PTPRM: variants seen among roughly 807,000 people sequenced by gnomAD.
PTPRM encodes the protein receptor-type tyrosine-protein phosphatase mu.
A neutral mutation model predicts 186.7 loss-of-function variants in PTPRM; 47 were observed. The observed-to-expected ratio is 0.25, with a 90% CI of 0.20 to 0.32. PTPRM has a LOEUF of 0.32. Ranked by LOEUF, PTPRM falls within the 10% of genes least tolerant of loss-of-function variation. The probability of loss-of-function intolerance (pLI) is 1.00; values close to 1 mark genes in which losing one functional copy is unlikely to be tolerated. For missense variants in PTPRM, 1,494 were observed against 1,865.0 expected, an observed-to-expected ratio of 0.80 and a Z score of 3.66; for synonymous variants, 668 against 674.9, an observed-to-expected ratio of 0.99 and a Z score of 0.16.
rs938763745 is a variant in PTPRM at position 7,733,147 on chromosome 18, C to T, written c.74-41002C>T. ...GGTTTGTTACATAGGTGTACATGCGCCATGGTGGTTTGCTGCACCTATCAA... is the reference window on the plus strand; with the variant it reads ...GGTTTGTTACATAGGTGTACATGCGTCATGGTGGTTTGCTGCACCTATCAA... On this transcript the variant is annotated intron_variant, in intron 1 of 32. Transcript: ENST00000580170. Among the ~76,000 whole-genome samples, 4 of 152,112 alleles carry T rather than the reference C, an allele frequency of 2.6e-5. No homozygotes were observed. The South Asian group carries it at 8.3e-4, about 32-fold the overall frequency.
At chr18:7,984,580 T>TATATATATATATGCCCC (rs1555676787) in intron 7 of PTPRM, among the ~76,000 whole-genome samples, 11 of 107,518 alleles carry the variant, frequency 1.0e-4, no homozygotes, top group Admixed American at 2.0e-4. Context: ...CCCATATATA[T>TATATATATATATGCCCC]ATATATATAT....
chr18:7,983,186 C>T (rs2082650936), intron 7 of PTPRM, among the ~76,000 whole-genome samples: 1 of 152,116 alleles, frequency 6.6e-6, no homozygotes, highest in African/African-American at 2.4e-5. Context: ...CGAGCATCAC[C>T]ACCTGAGTTC....
Position 7,774,233 on chromosome 18 carries a change from C to A in PTPRM, c.158C>A (p.Thr53Asn). 1.2e-6 allele frequency: 2 copies of A among 1,614,054 alleles called. No homozygotes were observed. The highest frequency in any genetic ancestry group is 1.7e-6 in the Non-Finnish European group (2 of 1,179,968). Reference protein sequence around the residue: ...GDDFNWEQVNTLTKPTSDPWM... With the variant: ...GDDFNWEQVNNLTKPTSDPWM... Reference sequence around the variant, plus strand: ...GACTTCAATTGGGAGCAAGTGAACACCTTGACTAAACCGACTTCTGATCCA... The same window carrying A: ...GACTTCAATTGGGAGCAAGTGAACAACTTGACTAAACCGACTTCTGATCCA... The change falls in exon 2 of 33, where the codon ACC (threonine) becomes AAC (asparagine). Residue 53 changes from threonine to asparagine, a missense_variant. By Grantham distance (65) the Thr-to-Asn change is moderately conservative (BLOSUM62 0). This residue lies in a region of PTPRM where 296 missense variants were observed against 345.5 expected (regional missense o/e 0.86). Coordinates refer to ENST00000580170, the MANE Select transcript of PTPRM (RefSeq NM_001105244.2).
intron 5 of PTPRM, among the ~76,000 whole-genome samples, chr18:7,937,699 A>G (rs1350866426): frequency 1.3e-5 from 2 of 152,186 alleles, no homozygotes; most frequent in African/African-American, 4.8e-5. Flanking sequence ...TCATTAATTC[A>G]TTAGGAGTTG....
intron 14 of PTPRM, among the ~76,000 whole-genome samples, chr18:8,210,588 C>CT (rs1352073370): frequency 1.3e-5 from 2 of 152,078 alleles, no homozygotes; most frequent in Non-Finnish European, 2.9e-5. Context: ...ATTTAGGGTA[C>CT]TTTTTACAGC....
intron 1 of PTPRM, among the ~76,000 whole-genome samples, chr18:7,609,984 G>T (rs2037632553): frequency 6.6e-6 from 1 of 152,208 alleles, no homozygotes; most frequent in Non-Finnish European, 1.5e-5. Context: ...TCTGTTAGTA[G>T]TGGGAATTGG....
At chr18:8,260,753 C>T (rs2094621590) in intron 19 of PTPRM, among the ~76,000 whole-genome samples, 1 of 152,204 alleles carries the variant, frequency 6.6e-6, no homozygotes, top group Non-Finnish European at 1.5e-5. Context: ...GACTCCCTCC[C>T]TTCAGATGCC....
chr18:8,334,136 C>T (rs1231617350), intron 22 of PTPRM, among the ~76,000 whole-genome samples: 3 of 152,232 alleles, frequency 2.0e-5, no homozygotes, highest in Non-Finnish European at 1.5e-5. Flanking sequence ...GAGCAGCATC[C>T]AGCACCTGCC....
chr18:8,066,198 TGTAAAAGAATTGTATGAGAATTA>T (rs2089060927), intron 7 of PTPRM, among the ~76,000 whole-genome samples: 1 of 152,272 alleles, frequency 6.6e-6, no homozygotes, highest in South Asian at 2.1e-4. Context: ...GTATGAGAAT[TGTAAAAGAATTGTATGAGAATTA>T]GTAAAAGAAT....
At chr18:8,300,977 A>G (rs1008631098) in intron 20 of PTPRM, among the ~76,000 whole-genome samples, 1 of 152,118 alleles carries the variant, frequency 6.6e-6, no homozygotes, top group Non-Finnish European at 1.5e-5. Context: ...CTGTTTCTTT[A>G]TGGGCATAGT....
At chr18:7,635,962 G>A (rs111403884) in intron 1 of PTPRM, among the ~76,000 whole-genome samples, 2,379 of 152,336 alleles carry the variant, frequency 0.016, 26 homozygotes, top group Non-Finnish European at 0.028. Context: ...GTTTATTTAT[G>A]TTGTAAATGA....
intron 7 of PTPRM, among the ~76,000 whole-genome samples, chr18:7,991,305 C>T (rs1216204220): frequency 6.6e-6 from 1 of 152,044 alleles, no homozygotes; most frequent in African/African-American, 2.4e-5. Context: ...CTTTAACCAC[C>T]TGAGGATTGT....
intron 1 of PTPRM, among the ~76,000 whole-genome samples, chr18:7,599,465 C>T (rs555008830): frequency 6.6e-6 from 1 of 152,246 alleles, no homozygotes; most frequent in South Asian, 2.1e-4. Context: ...ATGGAAATTC[C>T]ACTATCCCAG....
chr18:8,209,149 A>C (rs1241334979), intron 14 of PTPRM, among the ~76,000 whole-genome samples: 31 of 152,164 alleles, frequency 2.0e-4, no homozygotes, highest in Admixed American at 2.0e-3. Context: ...CTACTGTAGA[A>C]CAGAAGAGTT....
chr18:7,972,228 G>T (rs1265134257), intron 7 of PTPRM, among the ~76,000 whole-genome samples: 8 of 133,208 alleles, frequency 6.0e-5, no homozygotes, highest in African/African-American at 2.4e-4. Flanking sequence ...ACCAAACACC[G>T]CATATTCTCA....
chr18:7,567,813 A>C lies in PTPRM; in HGVS notation c.-6A>C. 6.5e-7 allele frequency: 1 copy of C among 1,544,532 alleles called. No homozygotes were observed. The highest frequency in any genetic ancestry group is 8.7e-7 in the Non-Finnish European group (1 of 1,151,020). Reference sequence around the variant, plus strand: ...CCGGGGAGCGGCCCGGCCCGCACTCAGCACCATGAGGGGACTTGGGACTTG... The same window carrying C: ...CCGGGGAGCGGCCCGGCCCGCACTCCGCACCATGAGGGGACTTGGGACTTG... On this transcript the variant is annotated 5_prime_UTR_variant, in exon 1 of 33. Coordinates refer to ENST00000580170, the MANE Select transcript of PTPRM (RefSeq NM_001105244.2). The surrounding 1 kb of genome is among the most constrained non-coding windows in gnomAD (Gnocchi z 4.3).
intron 30 of PTPRM, 69 bp from the exon 31 acceptor site, chr18:8,387,003 G>T: frequency 7.0e-7 from 1 of 1,438,114 alleles, no homozygotes; most frequent in Non-Finnish European, 9.6e-7. Context: ...AGTGGAATCA[G>T]CCCACTGGAA....
Position 7,974,120 on chromosome 18 carries a change from G to T in PTPRM, c.1132+18706G>T, listed in dbSNP as rs542597675. Among the ~76,000 whole-genome samples, 5 of 152,258 alleles carry T rather than the reference G, an allele frequency of 3.3e-5. No homozygotes were observed. The East Asian group carries it at 5.8e-4, about 18-fold the overall frequency. On this transcript the variant is annotated intron_variant, in intron 7 of 32. Coordinates refer to ENST00000580170, the MANE Select transcript of PTPRM (RefSeq NM_001105244.2). ...CCTGAGAATGTGGCAGGCAGCATGT[G>T]ACCACAGGGAAACCAGCTAAAAAGG...
chr18:8,378,277 T>C lies in PTPRM; in HGVS notation c.3475T>C (p.Phe1159Leu). 1 of 1,611,874 alleles carries C rather than the reference T, an allele frequency of 6.2e-7. No individual in the cohort carries two copies. Among genetic ancestry groups the C allele is most frequent in the Non-Finnish European group, 8.5e-7 (1 of 1,177,962 alleles). The change falls in exon 27 of 33, where the codon TTT becomes CTT. Residue 1159 changes from phenylalanine (F) to leucine (L), a missense_variant. This residue lies in a region of PTPRM where 1,107 missense variants were observed against 1,350.2 expected (regional missense o/e 0.82). Coordinates refer to ENST00000580170, the MANE Select transcript of PTPRM (RefSeq NM_001105244.2). ...TCTCCTTCTCCAGGAGCAGTATGTGTTTATCCACGATGCGATCCTGGAAGC... is the reference window on the plus strand; with the variant it reads ...TCTCCTTCTCCAGGAGCAGTATGTGCTTATCCACGATGCGATCCTGGAAGC... ...NMVQTEEQYV[F>L]IHDAILEACL...
Sources: allele counts gnomAD v4.1 joint callset (sites outside exome capture counted in the v4.1 genomes callset), GRCh38; gene constraint gnomAD v4.1.1; regional missense constraint gnomAD v4.1.1; non-coding constraint Gnocchi (gnomAD v3.1); transcripts MANE v1.5; gene names NCBI Gene and HGNC (gene_info 2026-07-23, HGNC 2026-07-21).